The following ADAMTSL1 variants were observed in gnomAD, a reference collection of about 807,000 sequenced individuals.
ADAMTSL1 encodes the protein ADAMTS-like protein 1.
Under a neutral mutation model 201.8 loss-of-function variants are expected in ADAMTSL1, and 126 were observed. That is an observed-to-expected ratio of 0.62 (90% CI 0.54 to 0.72). The LOEUF is 0.72. ADAMTSL1 is among the 30% of genes least tolerant of loss of function. ADAMTSL1 has a pLI of 0.00. For missense variants in ADAMTSL1, 2,679 were observed against 2,277.8 expected (o/e 1.18, Z -3.59); for synonymous variants, 1,121 against 903.4 (o/e 1.24, Z -4.32).
intron 2 of ADAMTSL1, among the ~76,000 whole-genome samples, chr9:18,204,316 A>G (rs988512031): frequency 1.3e-5 from 2 of 151,918 alleles, no homozygotes; most frequent in African/African-American, 2.4e-5. Context: ...TGATGGTTAT[A>G]TAGGTGGCTC....
intron 19 of ADAMTSL1, among the ~76,000 whole-genome samples, chr9:18,787,890 G>C (rs1000283249): frequency 1.3e-5 from 2 of 152,146 alleles, no homozygotes; most frequent in African/African-American, 4.8e-5. Flanking sequence ...GAGTTACCCA[G>C]CAAGCAGATA....
At chr9:18,648,349 A>T (rs908624885) in intron 7 of ADAMTSL1, among the ~76,000 whole-genome samples, 1 of 150,680 alleles carries the variant, frequency 6.6e-6, no homozygotes, top group African/African-American at 2.4e-5. Context: ...CCAATTTGCC[A>T]GTCTGTGTCT....
At chr9:18,396,850 A>G (rs1438131299) in intron 2 of ADAMTSL1, among the ~76,000 whole-genome samples, 1 of 152,198 alleles carries the variant, frequency 6.6e-6, no homozygotes, top group African/African-American at 2.4e-5. Flanking sequence ...TGGGCAACAG[A>G]ACAAGACCCT....
intron 2 of ADAMTSL1, among the ~76,000 whole-genome samples, chr9:18,240,362 G>C (rs1023893908): frequency 8.7e-5 from 13 of 149,284 alleles, no homozygotes; most frequent in Non-Finnish European, 1.6e-4. Flanking sequence ...TTTCTAAGCA[G>C]CAAGTATTAA....
rs753077048 is a variant in ADAMTSL1, at chr9:18,826,192, A to G, written c.3935-92A>G. 4.2e-6 allele frequency: 6 copies of G among 1,443,580 alleles called. No homozygotes were observed. In the African/African-American group the frequency reaches 8.6e-5, roughly 21 times the overall value. 89.4% of individuals were successfully genotyped at this position (1,443,580 alleles called of 1,614,324 possible). A position where few individuals can be genotyped will look rare whatever the true frequency, so the allele number is the denominator to read the frequency against. On this transcript the variant is annotated intron_variant, in intron 21 of 28. Coordinates refer to ENST00000380548, the MANE Select transcript of ADAMTSL1 (RefSeq NM_001040272.6). ...TGTCCCTGTAGAGCAGCCCCAGGGA[A>G]GGGGGATTCAAGAAGCTATAAATGC...
At chr9:18,629,712 CTTTG>C (rs1258794880) in intron 5 of ADAMTSL1, among the ~76,000 whole-genome samples, 1 of 151,954 alleles carries the variant, frequency 6.6e-6, no homozygotes, top group Non-Finnish European at 1.5e-5. Context: ...TTTGTATTGT[CTTTG>C]TTTGGTGTTA....
chr9:17,940,833 G>A (rs1287703738), intron 1 of ADAMTSL1, among the ~76,000 whole-genome samples: 8 of 59,376 alleles, frequency 1.3e-4, no homozygotes, highest in Admixed American at 7.5e-4. Context: ...AAGAAATAAC[G>A]ACTCGTCATG....
intron 1 of ADAMTSL1, among the ~76,000 whole-genome samples, chr9:18,478,111 A>T (rs1821548076): frequency 6.6e-6 from 1 of 152,158 alleles, no homozygotes; most frequent in Non-Finnish European, 1.5e-5. Context: ...CTAACACACC[A>T]TGGAGTAGGC....
chr9:18,384,011 T>C lies in ADAMTSL1; in HGVS notation c.208-120818T>C, dbSNP rs577483848. Among the ~76,000 whole-genome samples the C allele has an allele frequency of 2.9e-4, 44 of 152,250 alleles. No homozygotes were observed. The South Asian group carries it at 8.7e-3, about 30-fold the overall frequency. ...TGCTCATTGCTTTGTGGACCATATT[T>C]TGAGGCTTTACATTACCAAATGCTT... On this transcript the variant is annotated intron_variant, in intron 2 of 29. Transcript: ENST00000680146.
intron 14 of ADAMTSL1, among the ~76,000 whole-genome samples, chr9:18,711,744 C>T (rs1427344725): frequency 1.3e-5 from 2 of 150,866 alleles, no homozygotes; most frequent in Non-Finnish European, 2.9e-5. Context: ...TGGAGCCCAC[C>T]ACAGCTCAAG....
At chr9:18,434,195 A>G (rs965947594) in intron 2 of ADAMTSL1, among the ~76,000 whole-genome samples, 1 of 152,184 alleles carries the variant, frequency 6.6e-6, no homozygotes, top group Non-Finnish European at 1.5e-5. Context: ...AGTTTTTAAA[A>G]TTATCTTATT....
At chr9:18,781,693 A>T (rs1193869055) in intron 19 of ADAMTSL1, among the ~76,000 whole-genome samples, 1 of 152,156 alleles carries the variant, frequency 6.6e-6, no homozygotes, top group Non-Finnish European at 1.5e-5. Flanking sequence ...CCAGTGTTAT[A>T]GTTCAGTTAG....
At chr9:18,824,465 C>T (rs1426306593) in intron 21 of ADAMTSL1, among the ~76,000 whole-genome samples, 2 of 152,174 alleles carry the variant, frequency 1.3e-5, no homozygotes, top group Non-Finnish European at 2.9e-5. Flanking sequence ...CTTTCGGTAG[C>T]CCTGCCTCTC....
At chr9:18,615,638 C>G (rs1348668625) in intron 4 of ADAMTSL1, among the ~76,000 whole-genome samples, 1 of 152,164 alleles carries the variant, frequency 6.6e-6, no homozygotes, top group Admixed American at 6.5e-5. Context: ...TTTATCTTCT[C>G]TGAACCTCAG....
intron 2 of ADAMTSL1, among the ~76,000 whole-genome samples, chr9:18,295,473 G>C (rs1049663982): frequency 5.9e-5 from 9 of 151,898 alleles, no homozygotes; most frequent in Non-Finnish European, 7.4e-5. Flanking sequence ...TGAGTAGCTG[G>C]GACTACAGGC....
At chr9:18,136,542 A>T (rs1251373161) in intron 1 of ADAMTSL1, among the ~76,000 whole-genome samples, 1 of 152,074 alleles carries the variant, frequency 6.6e-6, no homozygotes, top group Non-Finnish European at 1.5e-5. Flanking sequence ...TAGGAAAGAG[A>T]ATCACACCGC....
At chr9:18,749,613 C>T (rs191919598) in intron 15 of ADAMTSL1, among the ~76,000 whole-genome samples, 2 of 152,298 alleles carry the variant, frequency 1.3e-5, no homozygotes, top group Admixed American at 1.3e-4. Flanking sequence ...CCTGCATTTC[C>T]TCTCTCAGAA....
chr9:18,166,654 T>A (rs532324773), intron 2 of ADAMTSL1, among the ~76,000 whole-genome samples: 1 of 152,036 alleles, frequency 6.6e-6, no homozygotes, highest in African/African-American at 2.4e-5. Flanking sequence ...AGAAGTAGCA[T>A]TAACTCTAGG....
intron 2 of ADAMTSL1, among the ~76,000 whole-genome samples, chr9:18,366,035 T>C (rs914013183): frequency 5.3e-5 from 8 of 152,102 alleles, no homozygotes; most frequent in African/African-American, 1.9e-4. Context: ...CAGTCTCTGG[T>C]GACAAAAAGG....
Sources: gnomAD v4.1 joint callset for allele counts (sites outside exome capture counted in the v4.1 genomes callset) on GRCh38, gnomAD v4.1.1 for gene constraint, MANE v1.5 for transcripts, NCBI Gene and HGNC (gene_info 2026-07-23, HGNC 2026-07-21) for gene names.